The following DPP6 variants were observed in gnomAD, a reference collection of about 807,000 sequenced individuals.
The protein encoded by DPP6 is dipeptidyl peptidase like 6, also known as A-type potassium channel modulatory protein DPP6.
Under a neutral mutation model 122.6 loss-of-function variants are expected in DPP6, and 69 were observed. The ratio of observed to expected loss-of-function variants is 0.56; its 90% CI spans 0.46 to 0.69. The LOEUF is 0.69. Ranked by LOEUF, DPP6 falls within the 30% of genes least tolerant of loss-of-function variation. The pLI, the probability that DPP6 is intolerant of heterozygous loss-of-function variation, is 0.00. For missense variants in DPP6, 928 were observed against 1,116.9 expected (o/e 0.83, Z 2.41); for synonymous variants, 418 against 433.1 (o/e 0.97, Z 0.43).
chr7:154,196,269 C>T (rs987057537), intron 1 of DPP6, among the ~76,000 whole-genome samples: 3 of 152,146 alleles, frequency 2.0e-5, no homozygotes, highest in Non-Finnish European at 2.9e-5. Context: ...GCGAGTGGAT[C>T]ACTTGAGGTC....
At chr7:154,323,598 G>T (rs535560342) in intron 1 of DPP6, among the ~76,000 whole-genome samples, 1 of 152,304 alleles carries the variant, frequency 6.6e-6, no homozygotes, top group South Asian at 2.1e-4. Context: ...CCATCTCTGG[G>T]GTAAGTGGAT....
intron 1 of DPP6, among the ~76,000 whole-genome samples, chr7:154,323,868 C>G (rs912058153): frequency 3.3e-5 from 5 of 152,162 alleles, no homozygotes; most frequent in Non-Finnish European, 7.4e-5. Context: ...TAAAAGCAAT[C>G]TGATTTCATT....
In DPP6 at chr7:154,123,840, C is replaced by T. The variant is rs1161227082; in HGVS notation, c.243+70777C>T. ...CCTGGGGACAGTTGTGCTGCCCGCT[C>T]GTGGGGCTTACCTGGGGACACTCAC... On this transcript the variant is annotated intron_variant, in intron 1 of 25. Coordinates refer to ENST00000377770, the MANE Select transcript of DPP6 (RefSeq NM_130797.4). 9.8e-5 allele frequency among the ~76,000 whole-genome samples: 14 copies of T among 142,630 alleles called. No individual in the cohort carries two copies. In the South Asian group the frequency reaches 1.7e-3, roughly 17 times the overall value. 93.6% of individuals were successfully genotyped at this position (142,630 alleles called of 152,430 possible).
intron 1 of DPP6, among the ~76,000 whole-genome samples, chr7:154,294,572 A>G (rs1425827086): frequency 6.6e-6 from 1 of 152,100 alleles, no homozygotes; most frequent in Non-Finnish European, 1.5e-5. Context: ...TGGGCACGTG[A>G]AGGTTTGGGG....
intron 10 of DPP6, among the ~76,000 whole-genome samples, chr7:154,784,023 A>C (rs117317008): frequency 6.6e-6 from 1 of 152,078 alleles, no homozygotes; most frequent in African/African-American, 2.4e-5. Flanking sequence ...CACCTGGGGA[A>C]CTGCACAAGG....
chr7:154,748,616 G>A (rs1843151705), intron 8 of DPP6, among the ~76,000 whole-genome samples: 2 of 152,232 alleles, frequency 1.3e-5, no homozygotes, highest in African/African-American at 2.4e-5. Flanking sequence ...GGTGCTGGAC[G>A]CTTCCTGAGC....
chr7:154,422,167 C>T (rs1259029537), intron 1 of DPP6, among the ~76,000 whole-genome samples: 1 of 152,176 alleles, frequency 6.6e-6, no homozygotes, highest in Non-Finnish European at 1.5e-5. Context: ...TCTCTCCTGA[C>T]TTTTTGATCT....
At chr7:153,853,838 T>G in the DPP6 span, among the ~76,000 whole-genome samples, 2 of 151,798 alleles carry the variant, frequency 1.3e-5, no homozygotes, top group South Asian at 2.1e-4. Flanking sequence ...GTGCAGAAGC[T>G]CTTTAGTTTA....
chr7:154,352,182 G>A (rs1396941462), intron 1 of DPP6, among the ~76,000 whole-genome samples: 2 of 152,160 alleles, frequency 1.3e-5, no homozygotes, highest in Non-Finnish European at 2.9e-5. Context: ...TTAAAGACAA[G>A]GCCGGGCACG....
intron 1 of DPP6, among the ~76,000 whole-genome samples, chr7:154,302,273 G>A (rs1018688275): frequency 6.6e-6 from 1 of 152,196 alleles, no homozygotes; most frequent in South Asian, 2.1e-4. Flanking sequence ...AAGTGGAACT[G>A]TGCCGCATTT....
chr7:154,727,801 C>T lies in DPP6; in HGVS notation c.797C>T (p.Ala266Val). The T allele has an allele frequency of 6.2e-7, 1 of 1,613,778 alleles. No individual in the cohort carries two copies. The highest frequency in any genetic ancestry group is 8.5e-7 in the Non-Finnish European group (1 of 1,179,818). The stretch of plus-strand genomic sequence containing the variant: ...TTTGAAAACAATATCTACTACTGTG[C>T]ACATGTCGGGAAACAGGCCATCCGT... ...FIFENNIYYC[A>V]HVGKQAIRVV... The change falls in exon 8 of 26, where the codon GCA (alanine) becomes GTA (valine). Residue 266 changes from alanine (A) to valine (V), a missense_variant. Ala to Val is a moderately conservative substitution (Grantham distance 64). Transcript: ENST00000377770.
At chr7:153,781,384 C>A in the DPP6 span, among the ~76,000 whole-genome samples, 1 of 152,176 alleles carries the variant, frequency 6.6e-6, no homozygotes, top group Non-Finnish European at 1.5e-5. Flanking sequence ...CAGCATTGGG[C>A]AGTAATATGT....
At chr7:154,575,343 ATGTGTGTGTGGTGTGTGTGTGATG>A (rs1831520293) in intron 5 of DPP6, among the ~76,000 whole-genome samples, 47 of 27,280 alleles carry the variant, frequency 1.7e-3, no homozygotes, top group East Asian at 6.1e-3. Flanking sequence ...TGGTGTGTGT[ATGTGTGTGTGGTGTGTGTGTGATG>A]TGTGTGTATG....
chr7:153,867,258 G>C, the DPP6 span, among the ~76,000 whole-genome samples: 2 of 152,070 alleles, frequency 1.3e-5, no homozygotes, highest in Non-Finnish European at 2.9e-5. Context: ...CCATTTTCAC[G>C]ATATTGATTC....
intron 1 of DPP6, among the ~76,000 whole-genome samples, chr7:154,369,021 G>T (rs12703348): frequency 6.6e-6 from 1 of 152,054 alleles, no homozygotes; most frequent in Non-Finnish European, 1.5e-5. Flanking sequence ...CCAGGCCTGC[G>T]CAATATCCAT....
intron 1 of DPP6, among the ~76,000 whole-genome samples, chr7:153,998,124 A>G (rs915690288): frequency 5.9e-5 from 9 of 151,840 alleles, no homozygotes; most frequent in Non-Finnish European, 8.8e-5. Flanking sequence ...AGTTAGGAAA[A>G]TAAGACCAAA....
At chr7:154,549,163 T>G (rs1169241867) in intron 4 of DPP6, among the ~76,000 whole-genome samples, 2 of 152,256 alleles carry the variant, frequency 1.3e-5, no homozygotes, top group South Asian at 4.1e-4. Context: ...GTAATAAAGG[T>G]TTATTGGAAG....
intron 22 of DPP6, among the ~76,000 whole-genome samples, chr7:154,886,751 C>G (rs908551685): frequency 1.3e-5 from 2 of 152,204 alleles, no homozygotes; most frequent in African/African-American, 4.8e-5. Context: ...ATTGCCACAC[C>G]TAGCCCTAGC....
Position 154,803,915 on chromosome 7 carries a change from G to A in DPP6, c.1459G>A (p.Val487Met), listed in dbSNP as rs747357818. 16 of 1,613,830 alleles carry A rather than the reference G, an allele frequency of 9.9e-6. No individual in the cohort carries two copies. The highest frequency in any genetic ancestry group is 1.1e-5 in the Non-Finnish European group (13 of 1,179,876). ...IQSITSGDWD[V>M]TKILAYDEKG... is the part of the protein sequence containing the mutation. ...GTCCATCACCTCCGGGGACTGGGACGTGACCAAGATCCTAGCCTACGATGA... is the reference window on the plus strand; with the variant it reads ...GTCCATCACCTCCGGGGACTGGGACATGACCAAGATCCTAGCCTACGATGA... The change falls in exon 14 of 26, where the codon GTG (valine) becomes ATG (methionine). Residue 487 changes from valine to methionine, a missense_variant. By Grantham distance (21) the Val-to-Met change is conservative. Transcript: ENST00000377770.
Sources: allele counts gnomAD v4.1 joint callset (sites outside exome capture counted in the v4.1 genomes callset), GRCh38; gene constraint gnomAD v4.1.1; transcripts MANE v1.5; gene names NCBI Gene and HGNC (gene_info 2026-07-23, HGNC 2026-07-21).